Variants in SPECC1 observed in about 807,000 individuals in gnomAD.
SPECC1 encodes cytospin-B.
In SPECC1, 62 loss-of-function variants were observed where a neutral mutation model predicts 104.1. That is an observed-to-expected ratio of 0.60 (90% CI 0.49 to 0.74). SPECC1 has a LOEUF of 0.74. Among genes scored for constraint, SPECC1 ranks in the 30% least tolerant of loss-of-function variants. The pLI, the probability that SPECC1 is intolerant of heterozygous loss-of-function variation, is 0.00. For missense variants in SPECC1, 1,306 were observed against 1,310.5 expected (o/e 1.00, Z 0.05); for synonymous variants, 513 against 501.6 (o/e 1.02, Z -0.30).
At chr17:20,068,901 C>T (rs999586895) in intron 1 of SPECC1, among the ~76,000 whole-genome samples, 2 of 152,146 alleles carry the variant, frequency 1.3e-5, no homozygotes, top group Non-Finnish European at 2.9e-5. Context: ...AGATACTAGA[C>T]ACTTATCATA....
chr17:20,044,648 G>A (rs1234459365), intron 1 of SPECC1, among the ~76,000 whole-genome samples: 1 of 152,192 alleles, frequency 6.6e-6, no homozygotes, highest in Non-Finnish European at 1.5e-5. Context: ...AGGAAGCCTA[G>A]TGTCAGGTCC....
At chr17:20,024,335 A>C (rs911919197) in intron 1 of SPECC1, among the ~76,000 whole-genome samples, 3 of 151,738 alleles carry the variant, frequency 2.0e-5, no homozygotes, top group African/African-American at 7.3e-5. Context: ...TCCTTTGTGA[A>C]TCCATTCTTG....
chr17:20,043,876 G>A (rs1001315684), intron 1 of SPECC1, among the ~76,000 whole-genome samples: 6 of 152,126 alleles, frequency 3.9e-5, no homozygotes, highest in Admixed American at 2.0e-4. Flanking sequence ...TTAGGCCCTC[G>A]TTTGAAGTTA....
intron 12 of SPECC1, among the ~76,000 whole-genome samples, chr17:20,270,623 GA>G (rs997113417): frequency 3.1e-4 from 46 of 148,708 alleles, no homozygotes; most frequent in East Asian, 7.8e-4. Flanking sequence ...TGTCTCTGGG[GA>G]AAAAAAAAAA....
At position 20,110,447 on chromosome 17, in the gene SPECC1, G is replaced by A; in HGVS notation, c.168G>A (p.Glu56=). The A allele has an allele frequency of 1.2e-6, 2 of 1,613,740 alleles. No homozygotes were observed. Among genetic ancestry groups the A allele is most frequent in the Non-Finnish European group, 1.7e-6 (2 of 1,179,830 alleles). The change falls in exon 3 of 15, where the codon GAG becomes GAA. Residue 56 remains glutamate (E), a synonymous_variant. Transcript: ENST00000395527. The part of the protein sequence containing the change: ...RLSRLKRASS[E]DTLNKPGSTA... ...CTCAGCTCAAGAGGGCCAGCAGTGA[G>A]GACACGCTCAACAAGCCAGGAAGTA...
chr17:20,037,855 G>A (rs756238284), intron 1 of SPECC1, among the ~76,000 whole-genome samples: 6 of 152,044 alleles, frequency 3.9e-5, no homozygotes, highest in Non-Finnish European at 5.9e-5. Context: ...TTAAGGAAGG[G>A]TATAATTACC....
intron 5 of SPECC1, among the ~76,000 whole-genome samples, chr17:20,228,954 C>T (rs1396582032): frequency 6.6e-6 from 1 of 152,166 alleles, no homozygotes; most frequent in Non-Finnish European, 1.5e-5. Flanking sequence ...TGCAGTCGAT[C>T]CTCCTTATTC....
intron 10 of SPECC1, among the ~76,000 whole-genome samples, chr17:20,255,950 T>G (rs948193031): frequency 2.6e-5 from 4 of 152,036 alleles, no homozygotes; most frequent in Non-Finnish European, 2.9e-5. Flanking sequence ...TGAGCTCGGC[T>G]CACTGCAATC....
At chr17:20,225,427 C>G (rs1384834307) in intron 4 of SPECC1, among the ~76,000 whole-genome samples, 3 of 152,224 alleles carry the variant, frequency 2.0e-5, no homozygotes, top group Admixed American at 2.0e-4. Flanking sequence ...CTTGCCAGAA[C>G]TCAGATTCTC....
chr17:20,180,900 G>A (rs1247489152), intron 3 of SPECC1, among the ~76,000 whole-genome samples: 2 of 152,028 alleles, frequency 1.3e-5, no homozygotes, highest in African/African-American at 4.8e-5. Flanking sequence ...ATTTACAGAA[G>A]TTGATCATGT....
chr17:20,257,287 G>A (rs901345491), intron 10 of SPECC1, among the ~76,000 whole-genome samples, 164 bp from the exon 11 acceptor site: 17 of 152,192 alleles, frequency 1.1e-4, no homozygotes, highest in African/African-American at 3.9e-4. Flanking sequence ...TAGTGGTCCT[G>A]CCTGTAGAAT....
intron 3 of SPECC1, among the ~76,000 whole-genome samples, chr17:20,166,194 C>T (rs1027638911): frequency 6.6e-6 from 1 of 152,100 alleles, no homozygotes; most frequent in Non-Finnish European, 1.5e-5. Context: ...TTACAAAGTC[C>T]ACTCACTAAA....
intron 3 of SPECC1, among the ~76,000 whole-genome samples, chr17:20,131,187 T>C (rs2049603198): frequency 6.6e-6 from 1 of 152,136 alleles, no homozygotes; most frequent in Non-Finnish European, 1.5e-5. Context: ...ATAGGTACAG[T>C]TTTATTTCTT....
intron 1 of SPECC1, among the ~76,000 whole-genome samples, chr17:20,091,024 G>A (rs1025640404): frequency 1.3e-5 from 2 of 152,144 alleles, no homozygotes; most frequent in African/African-American, 4.8e-5. Context: ...TTGTTTTCAG[G>A]TTTGAGGTGG....
intron 4 of SPECC1, among the ~76,000 whole-genome samples, chr17:20,220,937 A>G (rs1287031993): frequency 6.6e-6 from 1 of 152,204 alleles, no homozygotes; most frequent in Non-Finnish European, 1.5e-5. Context: ...TGAAATGACC[A>G]TATGGTTTTT....
chr17:20,205,236 A>G lies in SPECC1; in HGVS notation c.1187A>G (p.Gln396Arg), dbSNP rs1269054427. Reference protein sequence around the residue: ...STAEELQATLQELSDQQQMVQ... With the variant: ...STAEELQATLRELSDQQQMVQ... Reference sequence around the variant, plus strand: ...GCAGAAGAACTACAGGCTACTCTACAAGAATTATCAGACCAGCAACAAATG... The same window carrying G: ...GCAGAAGAACTACAGGCTACTCTACGAGAATTATCAGACCAGCAACAAATG... The change falls in exon 4 of 15, where the codon CAA (glutamine) becomes CGA (arginine). Residue 396 changes from glutamine to arginine, a missense_variant. Gln to Arg is a conservative substitution (Grantham distance 43). Transcript: ENST00000395527. 6.2e-7 allele frequency: 1 copy of G among 1,614,186 alleles called. No individual in the cohort carries two copies. Among genetic ancestry groups the G allele is most frequent in the East Asian group, 2.2e-5 (1 of 44,882 alleles).
chr17:20,159,946 G>A (rs1172059962), intron 3 of SPECC1, among the ~76,000 whole-genome samples: 1 of 152,164 alleles, frequency 6.6e-6, no homozygotes, highest in Non-Finnish European at 1.5e-5. Flanking sequence ...AGAGGAAGGG[G>A]TGCCGTTTTG....
intron 12 of SPECC1, among the ~76,000 whole-genome samples, chr17:20,280,985 G>C (rs1437877348): frequency 6.6e-6 from 1 of 152,222 alleles, no homozygotes; most frequent in Non-Finnish European, 1.5e-5. Context: ...ATATTCAGCT[G>C]CGTTAGTGTG....
intron 10 of SPECC1, among the ~76,000 whole-genome samples, chr17:20,256,137 A>G (rs1315835609): frequency 6.6e-6 from 1 of 152,152 alleles, no homozygotes; most frequent in African/African-American, 2.4e-5. Flanking sequence ...TCGGCCTCCC[A>G]AAGTGCTGGG....
Sources: allele counts gnomAD v4.1 joint callset (sites outside exome capture counted in the v4.1 genomes callset), GRCh38; gene constraint gnomAD v4.1.1; transcripts MANE v1.5; gene names NCBI Gene and HGNC (gene_info 2026-07-23, HGNC 2026-07-21).